The following CELF2 variants were observed in gnomAD, a reference collection of about 807,000 sequenced individuals.
The protein encoded by CELF2 is CUGBP Elav-like family member 2.
A neutral mutation model predicts 62.6 loss-of-function variants in CELF2; 8 were observed. That is an observed-to-expected ratio of 0.13 (90% CI 0.07 to 0.23). The LOEUF (loss-of-function observed/expected upper bound fraction) is 0.23. Among genes scored for constraint, CELF2 ranks in the 10% least tolerant of loss-of-function variants. The probability of loss-of-function intolerance (pLI) is 1.00; values close to 1 mark genes in which losing one functional copy is unlikely to be tolerated. For missense variants in CELF2, 333 were observed against 671.0 expected (o/e 0.50, Z 5.56); for synonymous variants, 258 against 250.0 (o/e 1.03, Z -0.30).
intron 1 of CELF2, among the ~76,000 whole-genome samples, chr10:11,112,989 C>G (rs758433637): frequency 6.6e-6 from 1 of 151,960 alleles, no homozygotes; most frequent in Non-Finnish European, 1.5e-5. Flanking sequence ...AAGCTTGTGT[C>G]CTGACTGAGT....
intron 1 of CELF2, among the ~76,000 whole-genome samples, chr10:11,078,504 T>C (rs1268275191): frequency 6.6e-6 from 1 of 152,184 alleles, no homozygotes; most frequent in Non-Finnish European, 1.5e-5. Flanking sequence ...GCTTGACCCA[T>C]TTCTAGAGTC....
At chr10:10,689,436 A>G in the CELF2 span, among the ~76,000 whole-genome samples, 11 of 152,306 alleles carry the variant, frequency 7.2e-5, no homozygotes, top group African/African-American at 2.6e-4. Flanking sequence ...AATCAACATG[A>G]TATTTGGGTG....
At chr10:10,767,856 C>G in the CELF2 span, among the ~76,000 whole-genome samples, 136 of 139,808 alleles carry the variant, frequency 9.7e-4, no homozygotes, top group South Asian at 2.7e-3. Flanking sequence ...ATTAGCCGGG[C>G]GTGGTGGCGG....
chr10:10,571,289 G>A, the CELF2 span, among the ~76,000 whole-genome samples: 308 of 152,252 alleles, frequency 2.0e-3, 1 homozygote, highest in Middle Eastern at 6.8e-3. Flanking sequence ...AGTAAAGAAC[G>A]TACTTCAGTC....
the CELF2 span, among the ~76,000 whole-genome samples, chr10:10,675,171 C>G: frequency 6.6e-6 from 1 of 152,146 alleles, no homozygotes; most frequent in African/African-American, 2.4e-5. Flanking sequence ...CAAGACAGAT[C>G]TACTAGCAAC....
At chr10:10,484,003 T>TCTC in the CELF2 span, among the ~76,000 whole-genome samples, 1 of 24,800 alleles carries the variant, frequency 4.0e-5, no homozygotes, top group Non-Finnish European at 7.0e-5. Context: ...CTCCCCCGCT[T>TCTC]TCTCCCTCCC....
At chr10:10,517,931 C>G in the CELF2 span, among the ~76,000 whole-genome samples, 1 of 152,204 alleles carries the variant, frequency 6.6e-6, no homozygotes, top group Admixed American at 6.5e-5. Context: ...CCTCCCACAC[C>G]TGGGGCTTGC....
At chr10:11,204,685 G>T (rs960256428) in intron 2 of CELF2, among the ~76,000 whole-genome samples, 1 of 152,184 alleles carries the variant, frequency 6.6e-6, no homozygotes, top group Non-Finnish European at 1.5e-5. Flanking sequence ...CCGTGTGACA[G>T]GAACTCTCAA....
chr10:11,320,825 G>A, intron 10 of CELF2: 1 of 1,199,182 alleles, frequency 8.3e-7, no homozygotes, highest in Non-Finnish European at 1.2e-6. Context: ...CTGCTACTAA[G>A]GTTTTTTTTT....
At chr10:11,068,804 C>T (rs1217688113) in intron 1 of CELF2, among the ~76,000 whole-genome samples, 1 of 152,194 alleles carries the variant, frequency 6.6e-6, no homozygotes, top group Non-Finnish European at 1.5e-5. Flanking sequence ...TCGTGATCCA[C>T]CCGCCTCAGC....
At position 10,928,663 on chromosome 10, in the gene CELF2, C is replaced by T. The variant is rs1417192188; in HGVS notation, c.89+8664C>T. On this transcript the variant is annotated intron_variant, in intron 2 of 13. Coordinates refer to the CELF2 transcript ENST00000636488. This position sits in a 1 kb window ranked among gnomAD's most constrained non-coding sequence, Gnocchi z 4.8. ...GGTTTGCTGACCACTGTTCTATACA[C>T]ATCCTAGGTTTCTTTGATACCTTCT... Among the ~76,000 whole-genome samples, 2 of 152,186 alleles carry T rather than the reference C, an allele frequency of 1.3e-5. No homozygotes were observed. The highest frequency in any genetic ancestry group is 2.4e-5 in the African/African-American group (1 of 41,448).
the CELF2 span, among the ~76,000 whole-genome samples, chr10:10,552,885 G>C: frequency 6.6e-6 from 1 of 152,192 alleles, no homozygotes; most frequent in South Asian, 2.1e-4. Context: ...ATGCTGCGAG[G>C]GCAGGGTCCC....
intron 1 of CELF2, among the ~76,000 whole-genome samples, chr10:11,161,444 T>C (rs1000834926): frequency 1.3e-5 from 2 of 152,252 alleles, no homozygotes; most frequent in Non-Finnish European, 2.9e-5. Flanking sequence ...ACCCAACTCA[T>C]GGAACGTGAA....
At chr10:10,787,013 AATG>A in the CELF2 span, among the ~76,000 whole-genome samples, 2 of 152,030 alleles carry the variant, frequency 1.3e-5, no homozygotes, top group African/African-American at 4.8e-5. Context: ...TTTTCAAGTG[AATG>A]ATTTGAGATA....
chr10:10,881,179 T>C (rs549855262), intron 1 of CELF2, among the ~76,000 whole-genome samples: 1 of 152,344 alleles, frequency 6.6e-6, no homozygotes, highest in South Asian at 2.1e-4. Flanking sequence ...TGGACTTGCC[T>C]GCTATGCGTA....
chr10:11,193,475 A>G (rs2056576432), intron 2 of CELF2, among the ~76,000 whole-genome samples: 1 of 152,236 alleles, frequency 6.6e-6, no homozygotes, highest in African/African-American at 2.4e-5. Context: ...GTGTTAGCCA[A>G]AGAAGGTTCT....
At chr10:10,662,514 T>C in the CELF2 span, among the ~76,000 whole-genome samples, 8 of 151,884 alleles carry the variant, frequency 5.3e-5, no homozygotes, top group African/African-American at 1.9e-4. Flanking sequence ...TCCTGGCAGG[T>C]CAGTCACTTC....
chr10:10,633,360 T>G, the CELF2 span, among the ~76,000 whole-genome samples: 3 of 152,238 alleles, frequency 2.0e-5, no homozygotes, highest in Non-Finnish European at 4.4e-5. Flanking sequence ...GCTATGGTTC[T>G]GATCTCTGCT....
the CELF2 span, among the ~76,000 whole-genome samples, chr10:10,772,432 T>A: frequency 6.6e-6 from 1 of 152,266 alleles, no homozygotes; most frequent in Non-Finnish European, 1.5e-5. Context: ...TAAAATTACA[T>A]GAAGTTTGTT....
Sources: gnomAD v4.1 joint callset for allele counts (sites outside exome capture counted in the v4.1 genomes callset) on GRCh38, gnomAD v4.1.1 for gene constraint, Gnocchi (gnomAD v3.1) non-coding constraint, MANE v1.5 for transcripts, NCBI Gene and HGNC (gene_info 2026-07-23, HGNC 2026-07-21) for gene names.